ABR: variants seen among roughly 807,000 people sequenced by gnomAD.
The protein encoded by ABR is active breakpoint cluster region-related protein.
In ABR, 35 loss-of-function variants were observed where a neutral mutation model predicts 107.2. The observed-to-expected ratio is 0.33, with a 90% CI of 0.25 to 0.43. The LOEUF is 0.43. Among genes scored for constraint, ABR ranks in the 20% least tolerant of loss-of-function variants. ABR has a pLI of 1.00. For synonymous variants in ABR, 498 were observed against 462.0 expected, an observed-to-expected ratio of 1.08 and a Z score of -1.00; for missense variants, 815 against 1,115.2, an observed-to-expected ratio of 0.73 and a Z score of 3.83.
intron 1 of ABR, among the ~76,000 whole-genome samples, chr17:1,204,803 G>T (rs771550331): frequency 6.7e-6 from 1 of 150,170 alleles, no homozygotes; most frequent in Non-Finnish European, 1.5e-5. Flanking sequence ...GGTGATTTTT[G>T]TATTTAGGTT....
At chr17:1,009,810 C>T (rs368943136) in intron 20 of ABR, 26 bp from the exon 21 acceptor site, 439 of 1,601,300 alleles carry the variant, frequency 2.7e-4, no homozygotes, top group Non-Finnish European at 3.3e-4. Flanking sequence ...GCCAGTGTGG[C>T]GTTTGGCTCC....
chr17:1,011,978 G>A lies in ABR; in HGVS notation c.1969C>T (p.Arg657Cys), dbSNP rs779303661. The change falls in exon 19 of 23, where the codon CGC becomes TGC. Residue 657 changes from arginine (R) to cysteine (C), a missense_variant. Physicochemically the swap from Arg to Cys is radical, Grantham distance 180 (BLOSUM62 -3). Coordinates refer to ENST00000302538, the MANE Select transcript of ABR (RefSeq NM_021962.5). The surrounding 1 kb of genome is among the most constrained non-coding windows in gnomAD (Gnocchi z 4.8). Reference sequence around the variant, plus strand: ...CGGACGATGTAGGGCACCTTGGAGCGCTCCCGCCTGGGGTGGAGCGTGAGG... The same window carrying A: ...CGGACGATGTAGGGCACCTTGGAGCACTCCCGCCTGGGGTGGAGCGTGAGG... ...VKISVVTKRE[R>C]SKVPYIVRQC... 5 of 1,613,042 alleles carry A rather than the reference G, an allele frequency of 3.1e-6. No homozygotes were observed. The highest frequency in any genetic ancestry group is 2.2e-5 in the East Asian group (1 of 44,814).
chr17:1,028,372 G>T (rs1046507309), intron 16 of ABR, among the ~76,000 whole-genome samples: 1 of 152,006 alleles, frequency 6.6e-6, no homozygotes, highest in African/African-American at 2.4e-5. Flanking sequence ...GTGCTGGGAT[G>T]ACAGGCGTGA....
At chr17:1,012,865 C>G in intron 17 of ABR, 68 bp from the exon 18 acceptor site, 2 of 1,354,402 alleles carry the variant, frequency 1.5e-6, no homozygotes, top group East Asian at 5.0e-5. Context: ...CCCCAAAACA[C>G]AGGGGTCCCC....
chr17:1,179,647 C>CCCCCG lies in ABR; in HGVS notation c.61+15_61+19dup. ...TCCCGATCCCGATCCTGGGGTCCCGCCCCCGCCCGGCACACGTACTGCTGT... is the reference window on the plus strand; with the variant it reads ...TCCCGATCCCGATCCTGGGGTCCCGCCCCCGCCCCGCCCGGCACACGTACTGCTGT... On this transcript the variant is annotated intron_variant, in intron 1 of 22. Transcript: ENST00000302538. The surrounding 1 kb of genome is among the most constrained non-coding windows in gnomAD (Gnocchi z 4.9). 6.6e-7 allele frequency: 1 copy of CCCCCG among 1,521,326 alleles called. No individual in the cohort carries two copies. The highest frequency in any genetic ancestry group is 8.8e-7 in the Non-Finnish European group (1 of 1,133,746). 94.2% of individuals were successfully genotyped at this position (1,521,326 alleles called of 1,614,324 possible). A position where few individuals can be genotyped will look rare whatever the true frequency, so the allele number is the denominator to read the frequency against.
At chr17:1,151,138 A>T (rs1172968357) in intron 1 of ABR, among the ~76,000 whole-genome samples, 1 of 152,150 alleles carries the variant, frequency 6.6e-6, no homozygotes, top group South Asian at 2.1e-4. Flanking sequence ...GAGTAACAGT[A>T]GCACCCAAGT....
chr17:1,073,175 G>A (rs1295910075), intron 7 of ABR, among the ~76,000 whole-genome samples: 1 of 96,688 alleles, frequency 1.0e-5, no homozygotes. Flanking sequence ...GTGAGACTCC[G>A]CCTCAAAAAA....
chr17:1,151,602 G>A (rs2245403), intron 1 of ABR, among the ~76,000 whole-genome samples: 2 of 151,698 alleles, frequency 1.3e-5, no homozygotes, highest in African/African-American at 4.8e-5. Flanking sequence ...AGGGGATGGA[G>A]AAGTGTGTTT....
At chr17:1,031,942 C>G in intron 16 of ABR, 1 of 978,162 alleles carries the variant, frequency 1.0e-6, no homozygotes, top group Non-Finnish European at 1.3e-6. Flanking sequence ...CCTCCTTCCC[C>G]GCCCTCCGCG....
intron 1 of ABR, chr17:1,153,834 G>A (rs979988938): frequency 4.6e-6 from 1 of 219,634 alleles, no homozygotes; most frequent in Non-Finnish European, 9.3e-6. Context: ...CAGGTCTACC[G>A]AACCTGTCAG....
chr17:1,181,532 C>G (rs537079132), upstream of ABR, among the ~76,000 whole-genome samples: 1 of 152,340 alleles, frequency 6.6e-6, no homozygotes, highest in East Asian at 1.9e-4. Flanking sequence ...ACCCTCCCAC[C>G]GTCCCTGACT....
Position 1,134,396 on chromosome 17 carries a change from A to C in ABR, c.62-9029T>G, listed in dbSNP as rs1473764953. Among the ~76,000 whole-genome samples the C allele has an allele frequency of 2.0e-5, 3 of 150,054 alleles. No individual in the cohort carries two copies. The East Asian group carries it at 5.9e-4, about 29-fold the overall frequency. ...CACTGCACTCCAGCCGGGGCAACAG[A>C]GCAAGACTCCCTCTCAAAAAAATAA... On this transcript the variant is annotated intron_variant, in intron 1 of 22. Transcript: ENST00000302538.
intron 1 of ABR, among the ~76,000 whole-genome samples, chr17:1,205,056 C>T (rs2042764093): frequency 6.6e-6 from 1 of 151,852 alleles, no homozygotes; most frequent in African/African-American, 2.4e-5. Context: ...GGTGCACCAC[C>T]ACGCCCGGCT....
rs2032411372 is a variant in ABR at position 1,050,861 on chromosome 17, C to T, written c.1562-227G>A. Among the ~76,000 whole-genome samples, 1 of 151,828 alleles carries T rather than the reference C, an allele frequency of 6.6e-6. No individual in the cohort carries two copies. Among genetic ancestry groups the T allele is most frequent in the East Asian group, 1.9e-4 (1 of 5,164 alleles). ...CGGCTCACCCCACACTCTGCCCTTC[C>T]TACCTCAGCCCTCCCCACACTCTGC... On this transcript the variant is annotated intron_variant, in intron 14 of 22. Coordinates refer to ENST00000302538, the MANE Select transcript of ABR (RefSeq NM_021962.5). This position sits in a 1 kb window ranked among gnomAD's most constrained non-coding sequence, Gnocchi z 4.6.
At chr17:1,006,377 C>T (rs1187008411) in intron 22 of ABR, among the ~76,000 whole-genome samples, 2 of 152,194 alleles carry the variant, frequency 1.3e-5, no homozygotes, top group African/African-American at 2.4e-5. Flanking sequence ...CCAACCTGGC[C>T]ATAAGCTTCT....
chr17:1,083,262 ATTTTTTTTTT>A lies in ABR; in HGVS notation c.639+248_639+257del, dbSNP rs71148428. 283 of 101,146 alleles carry A rather than the reference ATTTTTTTTTT, an allele frequency of 2.8e-3. 1 individual carries two copies. Among genetic ancestry groups the A allele is most frequent in the East Asian group, 0.024 (101 of 4,290 alleles). 6.3% of individuals were successfully genotyped at this position (101,146 alleles called of 1,614,324 possible). ...GTGGTGTGGGAGAACACTGCCTTGG[ATTTTTTTTTT>A]TTTTTTTTTTTTTTGCCTCCCCTGT... On this transcript the variant is annotated intron_variant, in intron 5 of 22. Transcript: ENST00000302538.
At position 1,058,835 on chromosome 17, in the gene ABR, C is replaced by G; in HGVS notation, c.1215G>C (p.Glu405Asp). Reference protein sequence around the residue: ...KANKGQSRAIERLKKKMFENE... With the variant: ...KANKGQSRAIDRLKKKMFENE... ...TCTCAAACATCTTCTTCTTCAGGCG[C>G]TCGATGGCCCGGCTCTGGCCTTTGT... The change falls in exon 11 of 23, where the codon GAG (glutamate) becomes GAC (aspartate). Residue 405 changes from glutamate to aspartate, a missense_variant. By Grantham distance (45) the Glu-to-Asp change is conservative. This residue lies in a region of ABR where 385 missense variants were observed against 596.9 expected (regional missense o/e 0.64). Coordinates refer to ENST00000302538, the MANE Select transcript of ABR (RefSeq NM_021962.5). 1.2e-6 allele frequency: 2 copies of G among 1,614,174 alleles called. No homozygotes were observed. The highest frequency in any genetic ancestry group is 1.7e-6 in the Non-Finnish European group (2 of 1,180,038).
At chr17:1,169,358 C>T (rs1447538604) in intron 1 of ABR, among the ~76,000 whole-genome samples, 1 of 152,206 alleles carries the variant, frequency 6.6e-6, no homozygotes, top group East Asian at 1.9e-4. Context: ...AATGAGATCA[C>T]GAATGTGAGA....
In ABR at chr17:1,055,874, G is replaced by C. The variant is rs1430053174; in HGVS notation, c.1561+161C>G. On this transcript the variant is annotated intron_variant, in intron 14 of 22. Coordinates refer to ENST00000302538, the MANE Select transcript of ABR (RefSeq NM_021962.5). Reference sequence around the variant, plus strand: ...GGAGGGCTTGAGAAAGAGGACTTTGGAGACAAAGGCCAGGGGTGACCTCCC... The same window carrying C: ...GGAGGGCTTGAGAAAGAGGACTTTGCAGACAAAGGCCAGGGGTGACCTCCC... The C allele has an allele frequency of 4.7e-6, 3 of 635,616 alleles. No homozygotes were observed. In the African/African-American group the frequency reaches 5.5e-5, roughly 12 times the overall value. 39.4% of individuals were successfully genotyped at this position (635,616 alleles called of 1,614,324 possible). A position where few individuals can be genotyped will look rare whatever the true frequency, so the allele number is the denominator to read the frequency against.
Sources: allele counts gnomAD v4.1 joint callset (sites outside exome capture counted in the v4.1 genomes callset), GRCh38; gene constraint gnomAD v4.1.1; regional missense constraint gnomAD v4.1.1; non-coding constraint Gnocchi (gnomAD v3.1); transcripts MANE v1.5; gene names NCBI Gene and HGNC (gene_info 2026-07-23, HGNC 2026-07-21).